The following SSU72 variants were observed in gnomAD, a reference collection of about 807,000 sequenced individuals.
SSU72 encodes the protein SSU72 homolog, RNA polymerase II CTD phosphatase.
In SSU72, 12 loss-of-function variants were observed where a neutral mutation model predicts 22.7. The observed-to-expected ratio is 0.53, with a 90% confidence interval of 0.34 to 0.86. SSU72 has a LOEUF of 0.86. SSU72 is among the 40% of genes least tolerant of loss of function. SSU72 has a pLI of 0.02. For missense variants in SSU72, 151 were observed against 249.8 expected (o/e 0.60, Z 2.67); for synonymous variants, 116 against 98.3 (o/e 1.18, Z -1.06).
In SSU72 at chr1:1,555,306, A is replaced by G. The variant is rs1055192134; in HGVS notation, c.224+9467T>C. ...GCTCCTGGTGCATGGCGGGGATGAG[A>G]CAGCCTCGGCGGCGCTGGTGGAGCT... On this transcript the variant is annotated intron_variant, in intron 2 of 4. Coordinates refer to ENST00000291386, the MANE Select transcript of SSU72 (RefSeq NM_014188.3). Among the ~76,000 whole-genome samples the G allele has an allele frequency of 3.9e-5, 6 of 152,234 alleles. No homozygotes were observed. The South Asian group carries it at 1.0e-3, about 26-fold the overall frequency.
At chr1:1,571,385 C>T (rs1415290112) in intron 1 of SSU72, among the ~76,000 whole-genome samples, 6 of 146,058 alleles carry the variant, frequency 4.1e-5, no homozygotes, top group Non-Finnish European at 8.9e-5. Context: ...GAGCCAAGAT[C>T]GTGTCATTGC....
intron 3 of SSU72, 33 bp downstream of exon 3, chr1:1,544,830 G>GGAGCC: frequency 6.2e-7 from 1 of 1,613,712 alleles, no homozygotes; most frequent in Non-Finnish European, 8.5e-7. Context: ...GAGAGCTGCT[G>GGAGCC]GAGCCCAGCC....
Position 1,541,994 on chromosome 1 carries a change from A to C in SSU72, c.*72T>G, listed in dbSNP as rs1557492748. The C allele has an allele frequency of 2.1e-6, 3 of 1,452,134 alleles. No individual in the cohort carries two copies. The highest frequency in any genetic ancestry group is 2.8e-6 in the Non-Finnish European group (3 of 1,058,802). The allele number at this position is 1,452,134 out of a possible 1,614,324, so 90.0% of individuals were successfully genotyped here. On this transcript the variant is annotated 3_prime_UTR_variant, in exon 5 of 5. Transcript: ENST00000291386. The stretch of plus-strand genomic sequence containing the variant: ...GTCACCAGCAGAACACCTGTAAGTA[A>C]AAACAAATGTCAGGAAGGAAAAAGT...
chr1:1,546,866 A>G (rs7413900), intron 2 of SSU72, among the ~76,000 whole-genome samples: 1 of 110,618 alleles, frequency 9.0e-6, no homozygotes, highest in African/African-American at 4.1e-5. Flanking sequence ...ACAACAAAAA[A>G]AAAAAAAAAA....
At chr1:1,557,619 A>T (rs1642536840) in intron 2 of SSU72, among the ~76,000 whole-genome samples, 1 of 151,306 alleles carries the variant, frequency 6.6e-6, no homozygotes, top group African/African-American at 2.4e-5. Flanking sequence ...ACGTGGTGAA[A>T]CCCCATCTCT....
chr1:1,544,730 C>T lies in SSU72; in HGVS notation c.364+133G>A, dbSNP rs764931374. 2.1e-4 allele frequency: 276 copies of T among 1,318,868 alleles called. 1 individual carries two copies. The highest frequency in any genetic ancestry group is 2.8e-4 in the Non-Finnish European group (259 of 924,616). 81.7% of individuals were successfully genotyped at this position (1,318,868 alleles called of 1,614,324 possible). ...GCGGCCCTGCCTGCCTTCCAGGGTG[C>T]TTCACACTCAGGTCTGCTCCCCGGC... On this transcript the variant is annotated intron_variant, in intron 3 of 4. Coordinates refer to ENST00000291386, the MANE Select transcript of SSU72 (RefSeq NM_014188.3).
intron 1 of SSU72, among the ~76,000 whole-genome samples, chr1:1,569,375 T>C (rs996771872): frequency 2.0e-5 from 3 of 152,096 alleles, no homozygotes; most frequent in Admixed American, 2.0e-4. Flanking sequence ...TTGAAACAAT[T>C]TAGTCTCTAA....
At chr1:1,565,760 A>C (rs1642654402) in intron 1 of SSU72, among the ~76,000 whole-genome samples, 1 of 152,250 alleles carries the variant, frequency 6.6e-6, no homozygotes, top group African/African-American at 2.4e-5. Context: ...ACAGGTGAGG[A>C]AACTGACCAA....
intron 2 of SSU72, among the ~76,000 whole-genome samples, chr1:1,553,808 A>G (rs1642484086): frequency 7.0e-6 from 1 of 143,724 alleles, no homozygotes; most frequent in African/African-American, 2.6e-5. Flanking sequence ...AAAAAAAAAA[A>G]GGCACCCAGG....
intron 4 of SSU72, 159 bp downstream of exon 4, chr1:1,543,710 G>A (rs1422371397): frequency 1.7e-5 from 7 of 411,926 alleles, no homozygotes; most frequent in African/African-American, 1.3e-4. Context: ...CCACTGTCAC[G>A]GCCTCGGCCA....
chr1:1,553,331 T>TA (rs1339618539), intron 2 of SSU72, among the ~76,000 whole-genome samples: 1 of 151,992 alleles, frequency 6.6e-6, no homozygotes, highest in Non-Finnish European at 1.5e-5. Context: ...TTTAGTTATT[T>TA]AAAAAAATAA....
chr1:1,555,810 C>A (rs1265558176), intron 2 of SSU72, among the ~76,000 whole-genome samples: 2 of 151,972 alleles, frequency 1.3e-5, no homozygotes, highest in Non-Finnish European at 2.9e-5. Context: ...CCAGCCTGGG[C>A]AACAGGGCGA....
At chr1:1,565,130 GCGGA>G (rs1273159105) in intron 1 of SSU72, among the ~76,000 whole-genome samples, 5 of 151,886 alleles carry the variant, frequency 3.3e-5, no homozygotes, top group African/African-American at 1.2e-4. Context: ...ATGAAGGCAG[GCGGA>G]TCATGAAGGC....
Position 1,542,266 on chromosome 1 carries a change from G to GT in SSU72, c.484-100_484-99insA, listed in dbSNP as rs1642331173. On this transcript the variant is annotated intron_variant, in intron 4 of 4. Coordinates refer to ENST00000291386, the MANE Select transcript of SSU72 (RefSeq NM_014188.3). The surrounding 1 kb of genome is among the most constrained non-coding windows in gnomAD (Gnocchi z 4.4). ...GGGAAACGCCAGGCCTGAGCCAGCAGAAACCAGCGCAGCAGGCAGGCCCTC... is the reference window on the plus strand; with the variant it reads ...GGGAAACGCCAGGCCTGAGCCAGCAGTAAACCAGCGCAGCAGGCAGGCCCTC... 1 of 1,187,558 alleles carries GT rather than the reference G, an allele frequency of 8.4e-7. No homozygotes were observed. The highest frequency in any genetic ancestry group is 1.5e-5 in the African/African-American group (1 of 66,158). The allele number at this position is 1,187,558 out of a possible 1,614,324, so 73.6% of individuals were successfully genotyped here.
At chr1:1,545,167 A>G (rs749315770) in intron 2 of SSU72, 165 bp from the exon 3 acceptor site, 9 of 766,598 alleles carry the variant, frequency 1.2e-5, no homozygotes, top group African/African-American at 1.7e-5. Context: ...CAGGGGCCTC[A>G]CTGTCCTAGG....
In SSU72 at chr1:1,565,503, C is replaced by T. The variant is rs1302106369; in HGVS notation, c.81-587G>A. On this transcript the variant is annotated intron_variant, in intron 1 of 4. Transcript: ENST00000291386. ...GGAAGATTTCATCAGAACATTTTGG[C>T]CATCGACCAACGTCCTGGCTTTGGA... Among the ~76,000 whole-genome samples, 3 of 152,228 alleles carry T rather than the reference C, an allele frequency of 2.0e-5. No homozygotes were observed. In the East Asian group the frequency reaches 5.8e-4, roughly 29 times the overall value.
rs1457388388 is a variant in SSU72, at chr1:1,556,456, G to T, written c.224+8317C>A. ...TTGCGGGGGCTGAGGCAGGAGAATC[G>T]CTTGAACCCAGGAAGTGGAGCTTGC... On this transcript the variant is annotated intron_variant, in intron 2 of 4. Transcript: ENST00000291386. 2.6e-5 allele frequency among the ~76,000 whole-genome samples: 4 copies of T among 151,982 alleles called. No homozygotes were observed. The East Asian group carries it at 7.7e-4, about 29-fold the overall frequency.
intron 1 of SSU72, among the ~76,000 whole-genome samples, chr1:1,569,217 A>C (rs1642699782): frequency 1.3e-5 from 2 of 152,142 alleles, no homozygotes; most frequent in African/African-American, 4.8e-5. Context: ...AAAAACAAAA[A>C]GCCACAAAAC....
At chr1:1,553,912 G>A (rs752427909) in intron 2 of SSU72, among the ~76,000 whole-genome samples, 30 of 152,176 alleles carry the variant, frequency 2.0e-4, no homozygotes, top group Non-Finnish European at 2.5e-4. Context: ...GAAAAAAACG[G>A]AGGATAAAGA....
Sources: allele counts gnomAD v4.1 joint callset (sites outside exome capture counted in the v4.1 genomes callset), GRCh38; gene constraint gnomAD v4.1.1; non-coding constraint Gnocchi (gnomAD v3.1); transcripts MANE v1.5; gene names NCBI Gene and HGNC (gene_info 2026-07-23, HGNC 2026-07-21).